LOXL4: variants seen among roughly 807,000 people sequenced by gnomAD.
LOXL4 encodes lysyl oxidase like 4.
In LOXL4, 72 loss-of-function variants were observed where a neutral mutation model predicts 89.1. That is an observed-to-expected ratio of 0.81 (90% CI 0.67 to 0.98). The LOEUF (loss-of-function observed/expected upper bound fraction) is 0.98. LOXL4 is among the 50% of genes least tolerant of loss of function. LOXL4 has a pLI of 0.00. For synonymous variants in LOXL4, 355 were observed against 392.1 expected, an observed-to-expected ratio of 0.91 and a Z score of 1.12; for missense variants, 984 against 1,017.5, an observed-to-expected ratio of 0.97 and a Z score of 0.45.
At chr10:98,260,305 G>C (rs538988740) in intron 4 of LOXL4, among the ~76,000 whole-genome samples, 1 of 152,192 alleles carries the variant, frequency 6.6e-6, no homozygotes, top group Non-Finnish European at 1.5e-5. Context: ...AATTGAGGAT[G>C]GAGGCTCAGA....
At position 98,248,619 on chromosome 10, in the gene LOXL4, C is replaced by T. The variant is rs150674343; in HGVS notation, c.*302G>A. ...TAAGAAACTGAGAGCTCCTGAATCC[C>T]GGATCTCTGTGGCAAGATTCAGGGA... On this transcript the variant is annotated 3_prime_UTR_variant, in exon 15 of 15. Transcript: ENST00000260702. The T allele has an allele frequency of 5.7e-5, 20 of 351,906 alleles. No homozygotes were observed. The highest frequency in any genetic ancestry group is 1.9e-4 in the African/African-American group (9 of 47,886). 21.8% of individuals were successfully genotyped at this position (351,906 alleles called of 1,614,324 possible).
chr10:98,250,897 G>A (rs1858171977), intron 14 of LOXL4, among the ~76,000 whole-genome samples, 168 bp downstream of exon 14: 1 of 152,238 alleles, frequency 6.6e-6, no homozygotes, highest in African/African-American at 2.4e-5. Context: ...AGTTCTAGAA[G>A]TCTGCCTTGT....
At chr10:98,256,592 GATTTC>G in intron 9 of LOXL4, 183 bp downstream of exon 9, 1 of 634,734 alleles carries the variant, frequency 1.6e-6, no homozygotes, top group Non-Finnish European at 2.7e-6. Context: ...CCTCATTGAC[GATTTC>G]ATTAGGACTA....
intron 11 of LOXL4, among the ~76,000 whole-genome samples, chr10:98,253,043 G>A (rs1388183053): frequency 6.6e-6 from 1 of 152,294 alleles, no homozygotes; most frequent in Admixed American, 6.5e-5. Context: ...CCCTCTCTCT[G>A]GTCTGGAAGC....
At chr10:98,250,277 G>A (rs1180167765) in intron 14 of LOXL4, among the ~76,000 whole-genome samples, 1 of 152,174 alleles carries the variant, frequency 6.6e-6, no homozygotes, top group East Asian at 1.9e-4. Flanking sequence ...CCAACAGGTT[G>A]CTTTCTGTCT....
chr10:98,267,392 A>T (rs183511039), intron 1 of LOXL4, among the ~76,000 whole-genome samples: 10 of 152,246 alleles, frequency 6.6e-5, no homozygotes, highest in African/African-American at 2.2e-4. Context: ...GTGCCAGGAG[A>T]TGCTGGGACC....
chr10:98,251,805 T>G, intron 12 of LOXL4, 103 bp from the exon 13 acceptor site: 2 of 1,381,876 alleles, frequency 1.4e-6, no homozygotes, highest in South Asian at 1.4e-5. Flanking sequence ...GTTCACAGAT[T>G]AAGGACCGTC....
rs1858456610 is a variant in LOXL4 at position 98,258,887 on chromosome 10, TCTC to T, written c.921+119_921+121del. 7 of 686,640 alleles carry T rather than the reference TCTC, an allele frequency of 1.0e-5. No individual in the cohort carries two copies. In the East Asian group the frequency reaches 1.9e-4, roughly 19 times the overall value. 42.5% of individuals were successfully genotyped at this position (686,640 alleles called of 1,614,324 possible). A position where few individuals can be genotyped will look rare whatever the true frequency, so the allele number is the denominator to read the frequency against. ...AAGGTTCTACAGTTCTGTGATTCAC[TCTC>T]CTCCTCCCAGTCTGGTTCCTCTCTC... On this transcript the variant is annotated intron_variant, in intron 6 of 14. Coordinates refer to ENST00000260702, the MANE Select transcript of LOXL4 (RefSeq NM_032211.7).
intron 2 of LOXL4, 40 bp from the exon 3 acceptor site, chr10:98,262,253 G>T: frequency 2.5e-6 from 4 of 1,605,546 alleles, no homozygotes; most frequent in South Asian, 1.1e-5. Context: ...GCACAGAGAG[G>T]CAGGTCACAG....
intron 3 of LOXL4, 150 bp downstream of exon 3, chr10:98,261,885 G>T: frequency 1.3e-6 from 1 of 787,030 alleles, no homozygotes; most frequent in Non-Finnish European, 1.9e-6. Context: ...ACCTGCTGCA[G>T]GGCACACTCA....
chr10:98,250,493 C>A (rs1017119683), intron 14 of LOXL4, among the ~76,000 whole-genome samples: 5 of 152,194 alleles, frequency 3.3e-5, no homozygotes, highest in African/African-American at 1.2e-4. Flanking sequence ...TATCCCATAG[C>A]AAATATGGGC....
Position 98,253,627 on chromosome 10 carries a change from CTG to C in LOXL4, c.1759_1760del (p.Gln587AspfsTer8). On this transcript the variant is annotated frameshift_variant, in exon 11 of 15. Transcript: ENST00000260702. LOFTEE classifies it high-confidence loss of function. ...AGTCAGTCCGGCCCAGATTGTAGAT[CTG>C]TGTGGAGAAGCGCAATAGGCGGCGG... ...GYRRLLRFST[Q>X]IYNLGRTDFR... 1 of 1,614,264 alleles carries C rather than the reference CTG, an allele frequency of 6.2e-7. No homozygotes were observed. Among genetic ancestry groups the C allele is most frequent in the Non-Finnish European group, 8.5e-7 (1 of 1,180,050 alleles).
chr10:98,258,238 C>T, intron 6 of LOXL4, 74 bp from the exon 7 acceptor site: 1 of 1,440,318 alleles, frequency 6.9e-7, no homozygotes, highest in African/African-American at 1.4e-5. Context: ...ACAGCGGGAT[C>T]CCCAACGGGG....
intron 8 of LOXL4, among the ~76,000 whole-genome samples, chr10:98,257,380 G>A (rs541569000): frequency 6.6e-6 from 1 of 152,292 alleles, no homozygotes; most frequent in East Asian, 1.9e-4. Flanking sequence ...ACAGCCCTGT[G>A]GCCCTCTTTC....
chr10:98,249,783 G>GC (rs1488917646), intron 14 of LOXL4, among the ~76,000 whole-genome samples: 1 of 152,204 alleles, frequency 6.6e-6, no homozygotes, highest in Non-Finnish European at 1.5e-5. Flanking sequence ...GTCTCCGTGT[G>GC]CGTAGCCTTG....
chr10:98,257,601 C>T (rs954382647), intron 8 of LOXL4, 49 bp downstream of exon 8: 2 of 1,588,016 alleles, frequency 1.3e-6, no homozygotes, highest in Non-Finnish European at 1.7e-6. Flanking sequence ...GGGGACTCCC[C>T]AGGGTTTCCC....
In LOXL4 at chr10:98,262,852, G is replaced by A. The variant is rs147795690; in HGVS notation, c.168C>T (p.Thr56=). Residue 56 remains threonine, a synonymous_variant, in exon 2 of 15, where the codon ACC becomes ACT. Coordinates refer to ENST00000260702, the MANE Select transcript of LOXL4 (RefSeq NM_032211.7). ...GGATAGCAAAGTTGTCATCACACAC[G>A]GTGCCCCACTGGCCCTGGTGCAGCA... The part of the protein sequence containing the change: ...LEVLHQGQWG[T]VCDDNFAIQE... 33 of 1,613,640 alleles carry A rather than the reference G, an allele frequency of 2.0e-5. No individual in the cohort carries two copies. In the African/African-American group the frequency reaches 2.3e-4, roughly 11 times the overall value.
At chr10:98,255,105 C>A (rs1304343415) in intron 10 of LOXL4, among the ~76,000 whole-genome samples, 1 of 152,200 alleles carries the variant, frequency 6.6e-6, no homozygotes. Flanking sequence ...TGGGTAAATC[C>A]CACAGCTCAG....
At chr10:98,263,126 C>A in intron 1 of LOXL4, 75 bp from the exon 2 acceptor site, 1 of 1,250,834 alleles carries the variant, frequency 8.0e-7, no homozygotes, top group Non-Finnish European at 1.1e-6. Flanking sequence ...TTTGGCAGCT[C>A]CTGGCAAGAC....
Sources: gnomAD v4.1 joint callset for allele counts (sites outside exome capture counted in the v4.1 genomes callset) on GRCh38, gnomAD v4.1.1 for gene constraint, MANE v1.5 for transcripts, NCBI Gene and HGNC (gene_info 2026-07-23, HGNC 2026-07-21) for gene names.